The following ROCK1 variants were observed in gnomAD, a reference collection of about 807,000 sequenced individuals.
The protein encoded by ROCK1 is Rho associated coiled-coil containing protein kinase 1.
Under a neutral mutation model 196.8 loss-of-function variants are expected in ROCK1, and 36 were observed. The ratio of observed to expected loss-of-function variants is 0.18; its 90% CI spans 0.14 to 0.24. The LOEUF is 0.24. ROCK1 is among the 10% of genes least tolerant of loss of function. The pLI, the probability that ROCK1 is intolerant of heterozygous loss-of-function variation, is 1.00. For synonymous variants in ROCK1, 443 were observed against 515.9 expected (o/e 0.86, Z 1.91); for missense variants, 920 against 1,562.0 (o/e 0.59, Z 6.93).
intron 2 of ROCK1, among the ~76,000 whole-genome samples, chr18:21,063,443 G>T (rs1400316322): frequency 6.6e-6 from 1 of 151,998 alleles, no homozygotes; most frequent in Middle Eastern, 3.2e-3. Context: ...AGTTGGGTGG[G>T]TTGGAAAGAA....
chr18:20,968,554 C>A, intron 25 of ROCK1: 1 of 445,762 alleles, frequency 2.2e-6, no homozygotes. Flanking sequence ...GTTCTGCTGG[C>A]CTCAGCCTCC....
chr18:21,044,250 G>A, intron 5 of ROCK1, 64 bp from the exon 6 acceptor site: 2 of 1,245,522 alleles, frequency 1.6e-6, no homozygotes, highest in African/African-American at 1.5e-5. Flanking sequence ...AAAATTATAT[G>A]AGGCAGTTAT....
intron 2 of ROCK1, among the ~76,000 whole-genome samples, chr18:21,056,311 A>C (rs1349001245): frequency 2.0e-5 from 3 of 152,192 alleles, no homozygotes; most frequent in African/African-American, 4.8e-5. Context: ...CTCAAATTTA[A>C]TGTGCCAAAA....
chr18:21,099,724 G>C (rs1203052601), intron 1 of ROCK1, among the ~76,000 whole-genome samples: 1 of 152,106 alleles, frequency 6.6e-6, no homozygotes, highest in South Asian at 2.1e-4. Flanking sequence ...CAGCCTGGGG[G>C]ACAGAGCAAG....
At chr18:20,975,197 G>A (rs974666288) in intron 22 of ROCK1, among the ~76,000 whole-genome samples, 4 of 152,190 alleles carry the variant, frequency 2.6e-5, no homozygotes, top group Non-Finnish European at 5.9e-5. Flanking sequence ...AGGGAAGGAT[G>A]AACTGGGCAC....
chr18:21,074,815 A>G (rs755972422), intron 1 of ROCK1, among the ~76,000 whole-genome samples: 8 of 152,256 alleles, frequency 5.3e-5, no homozygotes, highest in Admixed American at 1.3e-4. Context: ...ATCAAGTGTT[A>G]TAAGTAGGTA....
chr18:21,027,912 C>T lies in ROCK1; in HGVS notation c.1211+864G>A, dbSNP rs542844789. Among the ~76,000 whole-genome samples, 521 of 146,168 alleles carry T rather than the reference C, an allele frequency of 3.6e-3. 1 individual carries two copies. Among genetic ancestry groups the T allele is most frequent in the Non-Finnish European group, 5.9e-3 (389 of 66,328 alleles). ...GAGTAGCTGGGACTACAGGCGCCCGCTACCACGCCCGGCTAATTTTTTGTA... is the reference window on the plus strand; with the variant it reads ...GAGTAGCTGGGACTACAGGCGCCCGTTACCACGCCCGGCTAATTTTTTGTA... On this transcript the variant is annotated intron_variant, in intron 10 of 32. Transcript: ENST00000399799.
At chr18:20,959,145 AAAATATAT>A (rs2035297502) in intron 29 of ROCK1, among the ~76,000 whole-genome samples, 2 of 64,506 alleles carry the variant, frequency 3.1e-5, no homozygotes, top group Non-Finnish European at 5.1e-5. Context: ...TATATTATAT[AAAATATAT>A]ATATTATATA....
intron 2 of ROCK1, among the ~76,000 whole-genome samples, chr18:21,069,635 C>T (rs2036366802): frequency 1.3e-5 from 2 of 152,182 alleles, no homozygotes; most frequent in Non-Finnish European, 1.5e-5. Flanking sequence ...CCCTTATCTA[C>T]ACCATCTCTA....
At chr18:21,109,208 A>G (rs1598566517) in intron 1 of ROCK1, among the ~76,000 whole-genome samples, 1 of 152,222 alleles carries the variant, frequency 6.6e-6, no homozygotes, top group South Asian at 2.1e-4. Flanking sequence ...TATATGTGAG[A>G]CAAGGTTTTG....
intron 11 of ROCK1, among the ~76,000 whole-genome samples, 179 bp downstream of exon 11, chr18:21,023,441 T>C (rs1021326157): frequency 3.3e-5 from 5 of 152,156 alleles, no homozygotes; most frequent in Non-Finnish European, 7.4e-5. Context: ...ATTATTCCAT[T>C]TGATATTTGA....
chr18:21,092,398 A>G (rs971573488), intron 1 of ROCK1, among the ~76,000 whole-genome samples: 1 of 152,042 alleles, frequency 6.6e-6, no homozygotes, highest in African/African-American at 2.4e-5. Context: ...GCTGGGCAAC[A>G]TCGTTAAGAC....
At chr18:21,073,057 C>T (rs1432616458) in intron 1 of ROCK1, among the ~76,000 whole-genome samples, 2 of 74,950 alleles carry the variant, frequency 2.7e-5, no homozygotes, top group Non-Finnish European at 2.3e-5. Flanking sequence ...AAAGAGACTC[C>T]GTCTCCAAAA....
In ROCK1 at chr18:20,951,260, A is replaced by C. The variant is rs1426776171; in HGVS notation, c.*124T>G. 2 of 828,428 alleles carry C rather than the reference A, an allele frequency of 2.4e-6. No individual in the cohort carries two copies. The highest frequency in any genetic ancestry group is 3.7e-6 in the Non-Finnish European group (2 of 539,884). 51.3% of individuals were successfully genotyped at this position (828,428 alleles called of 1,614,324 possible). On this transcript the variant is annotated 3_prime_UTR_variant, in exon 33 of 33. Coordinates refer to ENST00000399799, the MANE Select transcript of ROCK1 (RefSeq NM_005406.3). ...GCCAAAGCAAGGACAGAAAAACAGC[A>C]ATCTTAACCCTGAAGCCTGTGATAT...
chr18:20,957,618 T>G (rs1465237395), intron 29 of ROCK1, among the ~76,000 whole-genome samples: 5 of 151,928 alleles, frequency 3.3e-5, no homozygotes, highest in African/African-American at 1.2e-4. Context: ...GTAGCTGGGA[T>G]TACAGGCACC....
intron 29 of ROCK1, among the ~76,000 whole-genome samples, chr18:20,957,642 A>G (rs1384788679): frequency 6.6e-6 from 1 of 151,836 alleles, no homozygotes. Context: ...CACCACGCCC[A>G]GCTAATTTTT....
intron 1 of ROCK1, among the ~76,000 whole-genome samples, chr18:21,096,188 A>G (rs2143593290): frequency 6.6e-6 from 1 of 151,760 alleles, no homozygotes. Flanking sequence ...TTTTAAAATT[A>G]TTTTTTGTCT....
At chr18:20,979,843 C>A in intron 22 of ROCK1, 67 bp downstream of exon 22, 1 of 1,467,328 alleles carries the variant, frequency 6.8e-7, no homozygotes, top group Non-Finnish European at 9.1e-7. Flanking sequence ...CACATCTATT[C>A]ACTAACTTAA....
intron 1 of ROCK1, among the ~76,000 whole-genome samples, chr18:21,099,853 T>C (rs1469414331): frequency 6.6e-6 from 1 of 151,968 alleles, no homozygotes; most frequent in African/African-American, 2.4e-5. Flanking sequence ...CTGGCCAACA[T>C]GGCAAAACCC....
Sources: allele counts gnomAD v4.1 joint callset (sites outside exome capture counted in the v4.1 genomes callset), GRCh38; gene constraint gnomAD v4.1.1; transcripts MANE v1.5; gene names NCBI Gene and HGNC (gene_info 2026-07-23, HGNC 2026-07-21).